PLS1: variants seen among roughly 807,000 people sequenced by gnomAD.
PLS1 encodes plastin-1.
A neutral mutation model predicts 73.7 loss-of-function variants in PLS1; 32 were observed. The ratio of observed to expected loss-of-function variants is 0.43; its 90% CI spans 0.33 to 0.58. PLS1 has a LOEUF of 0.58. Among genes scored for constraint, PLS1 ranks in the 20% least tolerant of loss-of-function variants. The pLI is 0.04. For missense variants in PLS1, 633 were observed against 740.5 expected, an observed-to-expected ratio of 0.85 and a Z score of 1.68; for synonymous variants, 217 against 261.3, an observed-to-expected ratio of 0.83 and a Z score of 1.63.
Position 142,713,176 on chromosome 3 carries a change from G to A in PLS1, c.*1169G>A, listed in dbSNP as rs1035312605. On this transcript the variant is annotated 3_prime_UTR_variant, in exon 16 of 16. Coordinates refer to ENST00000457734, the MANE Select transcript of PLS1 (RefSeq NM_001145319.2). ...ATTACTTGGAAATCGCTACAGCTTG[G>A]ACTATTTTTTTCTAAATTTTTAGCA... 3.3e-5 allele frequency: 5 copies of A among 152,558 alleles called. No homozygotes were observed. The highest frequency in any genetic ancestry group is 7.2e-5 in the African/African-American group (3 of 41,452). The allele number at this position is 152,558 out of a possible 1,614,324, so 9.5% of individuals were successfully genotyped here.
intron 1 of PLS1, among the ~76,000 whole-genome samples, chr3:142,645,883 C>T (rs2036943145): frequency 6.6e-6 from 1 of 152,046 alleles, no homozygotes; most frequent in African/African-American, 2.4e-5. Flanking sequence ...ACATTCTGCC[C>T]ACACTTCACC....
intron 15 of PLS1, 103 bp downstream of exon 15, chr3:142,711,728 C>G: frequency 7.7e-7 from 1 of 1,290,750 alleles, no homozygotes; most frequent in Non-Finnish European, 1.1e-6. Flanking sequence ...TTAAATATAA[C>G]TTATATGTGA....
intron 8 of PLS1, among the ~76,000 whole-genome samples, chr3:142,685,111 A>G (rs2037937081): frequency 6.6e-6 from 1 of 151,612 alleles, no homozygotes; most frequent in Non-Finnish European, 1.5e-5. Flanking sequence ...CTTTTTCCAT[A>G]ATGGCCTACA....
At chr3:142,634,136 A>G (rs13074172) in intron 1 of PLS1, among the ~76,000 whole-genome samples, 52,925 of 152,132 alleles carry the variant, frequency 0.35, 9,834 homozygotes, top group Middle Eastern at 0.45. Flanking sequence ...AAATGCAGCA[A>G]AAAGGAAAGA....
intron 8 of PLS1, among the ~76,000 whole-genome samples, chr3:142,685,068 C>T (rs765265793): frequency 3.1e-4 from 47 of 151,750 alleles, no homozygotes; most frequent in Non-Finnish European, 5.7e-4. Flanking sequence ...ATTCATGTTC[C>T]GTCTTTAGCT....
At chr3:142,703,755 T>C in intron 12 of PLS1, 113 bp from the exon 13 acceptor site, 1 of 627,660 alleles carries the variant, frequency 1.6e-6, no homozygotes, top group Non-Finnish European at 2.8e-6. Context: ...AAATTGGTCA[T>C]ATAAATTTAA....
At chr3:142,693,685 A>G (rs2038133339) in intron 10 of PLS1, among the ~76,000 whole-genome samples, 2 of 152,176 alleles carry the variant, frequency 1.3e-5, no homozygotes, top group South Asian at 2.1e-4. Context: ...GTGGTATACT[A>G]TGACCCGCAT....
intron 1 of PLS1, among the ~76,000 whole-genome samples, chr3:142,647,246 T>A (rs1043167772): frequency 1.3e-5 from 2 of 152,240 alleles, no homozygotes; most frequent in East Asian, 1.9e-4. Flanking sequence ...TTAAAAGTGA[T>A]GTTGTTAACT....
At chr3:142,647,305 G>A (rs1323773266) in intron 1 of PLS1, among the ~76,000 whole-genome samples, 1 of 151,942 alleles carries the variant, frequency 6.6e-6, no homozygotes, top group African/African-American at 2.4e-5. Flanking sequence ...AGTTTCTTTA[G>A]GATAATGGTG....
chr3:142,688,188 T>A (rs946587052), intron 9 of PLS1, among the ~76,000 whole-genome samples: 2 of 152,152 alleles, frequency 1.3e-5, no homozygotes, highest in Non-Finnish European at 2.9e-5. Flanking sequence ...CCTCAAGTGA[T>A]CCGCCTGCCT....
intron 1 of PLS1, among the ~76,000 whole-genome samples, chr3:142,633,841 A>G (rs897416278): frequency 6.6e-6 from 1 of 152,194 alleles, no homozygotes; most frequent in Non-Finnish European, 1.5e-5. Context: ...GGAAAATATT[A>G]CCCATAACTA....
chr3:142,712,160 TAGAGCTGGTC>T lies in PLS1; in HGVS notation c.*156_*165del, dbSNP rs1156413743. On this transcript the variant is annotated 3_prime_UTR_variant, in exon 16 of 16. Coordinates refer to ENST00000457734, the MANE Select transcript of PLS1 (RefSeq NM_001145319.2). Reference sequence around the variant, plus strand: ...AATTCAATATCCTGTTCATACTAGTTAGAGCTGGTCAGCCTTTTTGGGTAACACAGTTAAT... The same window carrying T: ...AATTCAATATCCTGTTCATACTAGTTAGCCTTTTTGGGTAACACAGTTAAT... 2 of 639,288 alleles carry T rather than the reference TAGAGCTGGTC, an allele frequency of 3.1e-6. No individual in the cohort carries two copies. Among genetic ancestry groups the T allele is most frequent in the African/African-American group, 3.7e-5 (2 of 54,678 alleles). The allele number at this position is 639,288 out of a possible 1,614,324, so 39.6% of individuals were successfully genotyped here.
At chr3:142,695,732 G>A (rs2038180554) in intron 11 of PLS1, among the ~76,000 whole-genome samples, 1 of 152,026 alleles carries the variant, frequency 6.6e-6, no homozygotes. Context: ...AGCCTGGGTA[G>A]TAGGAGTAGA....
chr3:142,668,656 C>T (rs1351096648), intron 2 of PLS1, among the ~76,000 whole-genome samples: 2 of 150,640 alleles, frequency 1.3e-5, no homozygotes, highest in East Asian at 3.9e-4. Context: ...GGGTGGAGTA[C>T]AGTGGCGCAA....
chr3:142,650,425 C>T (rs1560049033), intron 1 of PLS1, among the ~76,000 whole-genome samples: 1 of 151,934 alleles, frequency 6.6e-6, no homozygotes, highest in Admixed American at 6.6e-5. Flanking sequence ...CTTGTGTTCT[C>T]TCTTTGTTGG....
intron 6 of PLS1, among the ~76,000 whole-genome samples, chr3:142,678,974 G>A (rs2037785880): frequency 6.6e-6 from 1 of 152,164 alleles, no homozygotes; most frequent in Admixed American, 6.5e-5. Flanking sequence ...TCTAACTGGT[G>A]TAAGATGGTA....
intron 2 of PLS1, among the ~76,000 whole-genome samples, chr3:142,667,540 T>TA (rs2037505602): frequency 6.6e-6 from 1 of 152,300 alleles, no homozygotes; most frequent in Non-Finnish European, 1.5e-5. Flanking sequence ...GTCAAGTTCT[T>TA]AACAAGTCAC....
At chr3:142,599,198 AAAT>A (rs1190579205) in intron 1 of PLS1, among the ~76,000 whole-genome samples, 11 of 151,622 alleles carry the variant, frequency 7.3e-5, no homozygotes, top group Non-Finnish European at 1.3e-4. Context: ...ATAAATAAAT[AAAT>A]AAATAAATAA....
At chr3:142,668,893 C>T (rs1024111560) in intron 2 of PLS1, among the ~76,000 whole-genome samples, 3 of 152,034 alleles carry the variant, frequency 2.0e-5, no homozygotes, top group African/African-American at 4.8e-5. Context: ...TGAGCCACTG[C>T]GCCTGGCCCC....
Sources: allele counts gnomAD v4.1 joint callset (sites outside exome capture counted in the v4.1 genomes callset), GRCh38; gene constraint gnomAD v4.1.1; transcripts MANE v1.5; gene names NCBI Gene and HGNC (gene_info 2026-07-23, HGNC 2026-07-21).